GSAP: variants seen among roughly 807,000 people sequenced by gnomAD.
GSAP encodes the protein gamma-secretase-activating protein.
A neutral mutation model predicts 131.7 loss-of-function variants in GSAP; 118 were observed. The ratio of observed to expected loss-of-function variants is 0.90; its 90% CI spans 0.77 to 1.04. The LOEUF is 1.04. Among genes scored for constraint, GSAP ranks in the 50% least tolerant of loss-of-function variants. GSAP has a pLI of 0.00. For synonymous variants in GSAP, 381 were observed against 363.4 expected (o/e 1.05, Z -0.55); for missense variants, 1,019 against 1,013.2 (o/e 1.01, Z -0.08).
chr7:77,379,876 C>T lies in GSAP; in HGVS notation c.576+1429G>A, dbSNP rs545897233. ...TCCTGGCAATTTTCCAGCCAGGCTT[C>T]TTGATTTGAGGCTTTCAATAGCTGA... On this transcript the variant is annotated intron_variant, in intron 8 of 30. Coordinates refer to ENST00000257626, the MANE Select transcript of GSAP (RefSeq NM_017439.4). The T allele has an allele frequency of 7.7e-5, 76 of 984,824 alleles. No homozygotes were observed. The African/African-American group carries it at 1.1e-3, about 15-fold the overall frequency. The allele number at this position is 984,824 out of a possible 1,614,324, so 61.0% of individuals were successfully genotyped here.
chr7:77,363,653 CTGTTA>C (rs1359271752), intron 12 of GSAP, among the ~76,000 whole-genome samples: 1 of 152,180 alleles, frequency 6.6e-6, no homozygotes, highest in Admixed American at 6.5e-5. Context: ...TATAAGTATT[CTGTTA>C]TAATATTTAT....
In GSAP at chr7:77,397,394, C is replaced by T. The variant is rs766922380; in HGVS notation, c.265G>A (p.Asp89Asn). The part of the protein sequence containing the change: ...QNELLYTFEK[D>N]LQVFSCSVNS... ...ACAGAGCAACTGAAAACTTGCAAGT[C>T]TTTCTCAAAGGTATATAGAAGCTAT... Residue 89 changes from aspartate (D) to asparagine (N), a missense_variant, in exon 4 of 31, where the codon GAC becomes AAC. Coordinates refer to ENST00000257626, the MANE Select transcript of GSAP (RefSeq NM_017439.4). 6.2e-7 allele frequency: 1 copy of T among 1,601,934 alleles called. No homozygotes were observed. The highest frequency in any genetic ancestry group is 1.7e-5 in the Admixed American group (1 of 59,426).
intron 3 of GSAP, among the ~76,000 whole-genome samples, chr7:77,398,341 T>A (rs980002770): frequency 6.6e-6 from 1 of 152,190 alleles, no homozygotes; most frequent in Non-Finnish European, 1.5e-5. Context: ...AAGTGAACTT[T>A]CAGTTAATCA....
At chr7:77,384,075 A>G (rs17152640) in intron 6 of GSAP, among the ~76,000 whole-genome samples, 6,336 of 152,324 alleles carry the variant, frequency 0.042, 419 homozygotes, top group African/African-American at 0.14. Context: ...AAAATGTCAC[A>G]CATCAAACAA....
intron 14 of GSAP, among the ~76,000 whole-genome samples, chr7:77,357,142 T>G (rs781708552): frequency 6.6e-6 from 1 of 152,144 alleles, no homozygotes. Flanking sequence ...TGACAGTGAT[T>G]TGGGTTGTTA....
At chr7:77,389,751 C>A (rs1799178119) in intron 5 of GSAP, among the ~76,000 whole-genome samples, 1 of 152,164 alleles carries the variant, frequency 6.6e-6, no homozygotes. Context: ...TGTATGTGTG[C>A]ATGTGTCTTT....
intron 18 of GSAP, among the ~76,000 whole-genome samples, chr7:77,352,570 T>C (rs1793044806): frequency 6.6e-6 from 1 of 152,126 alleles, no homozygotes; most frequent in African/African-American, 2.4e-5. Context: ...GTCGTGAAGG[T>C]CCTTATCTAC....
At chr7:77,376,714 T>C in intron 10 of GSAP, 134 bp downstream of exon 10, 1 of 548,714 alleles carries the variant, frequency 1.8e-6, no homozygotes, top group Non-Finnish European at 3.3e-6. Context: ...GAGGCAGAGC[T>C]TGCAGTGAGC....
At chr7:77,330,061 G>C (rs201645658) in intron 20 of GSAP, 178 bp downstream of exon 20, 1 of 469,002 alleles carries the variant, frequency 2.1e-6, no homozygotes, top group Non-Finnish European at 3.0e-6. Context: ...TTCCTCCCTA[G>C]GAGAACAGAG....
chr7:77,344,528 A>T (rs374886584), intron 19 of GSAP, among the ~76,000 whole-genome samples: 1 of 152,070 alleles, frequency 6.6e-6, no homozygotes, highest in Non-Finnish European at 1.5e-5. Flanking sequence ...CATCCGTACT[A>T]TCTTCTGTCT....
intron 8 of GSAP, among the ~76,000 whole-genome samples, chr7:77,378,604 T>C (rs1259934632): frequency 1.3e-5 from 2 of 151,918 alleles, no homozygotes; most frequent in Non-Finnish European, 2.9e-5. Context: ...AAGTCAGAAC[T>C]ATGGAACATT....
intron 1 of GSAP, among the ~76,000 whole-genome samples, chr7:77,411,644 T>C (rs1803299298): frequency 6.6e-6 from 1 of 152,230 alleles, no homozygotes; most frequent in African/African-American, 2.4e-5. Context: ...AGCTGTATTT[T>C]GTTCATAGTT....
chr7:77,411,754 G>A (rs1297109691), intron 1 of GSAP, among the ~76,000 whole-genome samples: 2 of 151,692 alleles, frequency 1.3e-5, no homozygotes, highest in Non-Finnish European at 2.9e-5. Context: ...TGTAAAATCT[G>A]ACAAGCAGAT....
chr7:77,323,088 C>G (rs1787886635), intron 24 of GSAP, among the ~76,000 whole-genome samples: 1 of 152,168 alleles, frequency 6.6e-6, no homozygotes, highest in Admixed American at 6.5e-5. Flanking sequence ...TTGAAAGACT[C>G]AAGACAACCT....
chr7:77,353,251 A>G (rs1343698500), intron 17 of GSAP, among the ~76,000 whole-genome samples: 1 of 152,170 alleles, frequency 6.6e-6, no homozygotes, highest in Non-Finnish European at 1.5e-5. Flanking sequence ...AAATGACATT[A>G]TATCATTTCA....
At chr7:77,396,090 A>G (rs907835687) in intron 5 of GSAP, among the ~76,000 whole-genome samples, 3 of 152,218 alleles carry the variant, frequency 2.0e-5, no homozygotes, top group African/African-American at 7.2e-5. Flanking sequence ...AGCCAGTTCC[A>G]CTGGACTTGC....
chr7:77,399,708 G>A (rs530320266), intron 3 of GSAP, among the ~76,000 whole-genome samples: 59 of 152,056 alleles, frequency 3.9e-4, no homozygotes, highest in African/African-American at 1.0e-3. Flanking sequence ...TGAGGTGGGG[G>A]GGGGCGGGGC....
chr7:77,366,520 T>C (rs1439509934), intron 12 of GSAP, among the ~76,000 whole-genome samples: 1 of 152,222 alleles, frequency 6.6e-6, no homozygotes, highest in African/African-American at 2.4e-5. Flanking sequence ...TTGTCAGCTT[T>C]GCTGAAGATC....
intron 8 of GSAP, among the ~76,000 whole-genome samples, chr7:77,380,801 G>A (rs978684259): frequency 2.6e-5 from 4 of 151,930 alleles, no homozygotes; most frequent in Non-Finnish European, 5.9e-5. Flanking sequence ...TGTATATATG[G>A]TATAAATATA....
Sources: gnomAD v4.1 joint callset for allele counts (sites outside exome capture counted in the v4.1 genomes callset) on GRCh38, gnomAD v4.1.1 for gene constraint, MANE v1.5 for transcripts, NCBI Gene and HGNC (gene_info 2026-07-23, HGNC 2026-07-21) for gene names.